The following COL13A1 variants were observed in gnomAD, a reference collection of about 807,000 sequenced individuals.
COL13A1 encodes the protein collagen alpha-1(XIII) chain.
A neutral mutation model predicts 130.9 loss-of-function variants in COL13A1; 89 were observed. That is an observed-to-expected ratio of 0.68 (90% confidence interval 0.57 to 0.81). The LOEUF (loss-of-function observed/expected upper bound fraction) is 0.81, where lower values mean the gene tolerates loss of function less well. Ranked by LOEUF, COL13A1 falls within the 30% of genes least tolerant of loss-of-function variation. The pLI, the probability that COL13A1 is intolerant of heterozygous loss-of-function variation, is 0.00. For missense variants in COL13A1, 879 were observed against 934.6 expected (o/e 0.94, Z 0.78); for synonymous variants, 402 against 341.6 (o/e 1.18, Z -1.95).
chr10:69,936,639 AC>A, intron 32 of COL13A1, 116 bp from the exon 33 acceptor site: 1 of 1,180,020 alleles, frequency 8.5e-7, no homozygotes, highest in Non-Finnish European at 1.2e-6. Context: ...ATGGGCAGGG[AC>A]CCCAAACCAT....
intron 2 of COL13A1, among the ~76,000 whole-genome samples, chr10:69,833,824 G>A (rs564534091): frequency 2.5e-4 from 38 of 152,334 alleles, no homozygotes; most frequent in African/African-American, 8.2e-4. Flanking sequence ...GTAAGCTCCT[G>A]CGGAGGGATG....
chr10:69,802,045 G>T lies in COL13A1; in HGVS notation c.-379G>T. The T allele has an allele frequency of 5.4e-6, 1 of 186,068 alleles. No homozygotes were observed. 11.5% of individuals were successfully genotyped at this position (186,068 alleles called of 1,614,324 possible). Reference sequence around the variant, plus strand: ...GCCCCTTCGCCCGGGGACTGAAACTGACTGGCCCGGGAGACACGAGGCGCC... The same window carrying T: ...GCCCCTTCGCCCGGGGACTGAAACTTACTGGCCCGGGAGACACGAGGCGCC... On this transcript the variant is annotated 5_prime_UTR_variant, in exon 1 of 41. Coordinates refer to ENST00000645393, the MANE Select transcript of COL13A1 (RefSeq NM_001368882.1).
chr10:69,851,460 T>A lies in COL13A1; in HGVS notation c.365-16338T>A, dbSNP rs553925716. ...CTTCATTTCATGTCCATTTATTTTC[T>A]TCTCCTGAAACTCCAGGGCAGAGCT... On this transcript the variant is annotated intron_variant, in intron 2 of 40. Coordinates refer to ENST00000645393, the MANE Select transcript of COL13A1 (RefSeq NM_001368882.1). Among the ~76,000 whole-genome samples, 217 of 152,332 alleles carry A rather than the reference T, an allele frequency of 1.4e-3. 1 individual carries two copies. The highest frequency in any genetic ancestry group is 2.3e-3 in the Non-Finnish European group (157 of 68,034).
chr10:69,946,099 A>G (rs1464715225), intron 37 of COL13A1, among the ~76,000 whole-genome samples: 1 of 137,868 alleles, frequency 7.3e-6, no homozygotes, highest in Non-Finnish European at 1.6e-5. Flanking sequence ...CCAAAAAAAA[A>G]AAAAAAAATC....
chr10:69,906,887 T>C (rs2062815776), intron 17 of COL13A1, among the ~76,000 whole-genome samples: 1 of 152,052 alleles, frequency 6.6e-6, no homozygotes, highest in Admixed American at 6.6e-5. Flanking sequence ...CACACCACCA[T>C]GCCCAGCCAG....
At position 69,929,025 on chromosome 10, in the gene COL13A1, T is replaced by A. The variant is rs931932365; in HGVS notation, c.1485+26T>A. On this transcript the variant is annotated intron_variant, in intron 28 of 40. Coordinates refer to ENST00000645393, the MANE Select transcript of COL13A1 (RefSeq NM_001368882.1). ...GTAAATCTTATCTTGACAAAGGGGG[T>A]GAAGACTTTGCAAGGGCATCGACCC... 4.4e-6 allele frequency: 7 copies of A among 1,597,460 alleles called. No homozygotes were observed. The African/African-American group carries it at 9.4e-5, about 21-fold the overall frequency.
At chr10:69,893,258 G>A (rs1372622157) in intron 10 of COL13A1, among the ~76,000 whole-genome samples, 1 of 152,352 alleles carries the variant, frequency 6.6e-6, no homozygotes, top group South Asian at 2.1e-4. Flanking sequence ...AGGCAGAGGT[G>A]GGAGGACTGC....
At chr10:69,829,581 G>C (rs1486415271) in intron 2 of COL13A1, among the ~76,000 whole-genome samples, 2 of 152,194 alleles carry the variant, frequency 1.3e-5, no homozygotes, top group Non-Finnish European at 2.9e-5. Flanking sequence ...CCAAACGAAG[G>C]CCCTTCCTTG....
In COL13A1 at chr10:69,941,076, T is replaced by C. The variant is rs1565134377; in HGVS notation, c.1914+53T>C. ...ACCCCACTCCACTCCACACCTGGCCTGTGATCCCTTTTGTCTGTCCCACTG... is the reference window on the plus strand; with the variant it reads ...ACCCCACTCCACTCCACACCTGGCCCGTGATCCCTTTTGTCTGTCCCACTG... On this transcript the variant is annotated intron_variant, in intron 35 of 40. Coordinates refer to ENST00000645393, the MANE Select transcript of COL13A1 (RefSeq NM_001368882.1). 1.7e-5 allele frequency: 27 copies of C among 1,612,748 alleles called. 1 individual carries two copies. The highest frequency in any genetic ancestry group is 1.6e-5 in the Non-Finnish European group (19 of 1,179,280).
At chr10:69,909,283 T>C (rs1356061566) in intron 17 of COL13A1, among the ~76,000 whole-genome samples, 2 of 152,206 alleles carry the variant, frequency 1.3e-5, no homozygotes, top group South Asian at 2.1e-4. Flanking sequence ...TGCTGGACTC[T>C]TGCCTCCCAA....
At chr10:69,889,329 G>A in intron 9 of COL13A1, 85 bp from the exon 10 acceptor site, 2 of 1,198,126 alleles carry the variant, frequency 1.7e-6, no homozygotes, top group East Asian at 3.2e-5. Flanking sequence ...AGGAGCACAG[G>A]GGGCAGGGAG....
At chr10:69,938,065 A>G (rs767605703) in intron 34 of COL13A1, among the ~76,000 whole-genome samples, 1 of 152,224 alleles carries the variant, frequency 6.6e-6, no homozygotes, top group Non-Finnish European at 1.5e-5. Context: ...AAGTAGTGGG[A>G]CAAGAAGATA....
At chr10:69,939,221 G>C (rs1252353679) in intron 34 of COL13A1, among the ~76,000 whole-genome samples, 1 of 152,172 alleles carries the variant, frequency 6.6e-6, no homozygotes, top group Non-Finnish European at 1.5e-5. Flanking sequence ...ACTAGAGACC[G>C]TGTATCCCTT....
At chr10:69,807,346 C>A (rs573278459) in intron 1 of COL13A1, among the ~76,000 whole-genome samples, 4 of 152,260 alleles carry the variant, frequency 2.6e-5, no homozygotes, top group Non-Finnish European at 5.9e-5. Context: ...TAAGGAATCT[C>A]CTGGGAGAGG....
At chr10:69,838,798 G>A (rs974247206) in intron 2 of COL13A1, among the ~76,000 whole-genome samples, 3 of 152,372 alleles carry the variant, frequency 2.0e-5, no homozygotes, top group Admixed American at 6.5e-5. Flanking sequence ...CTTGGGAAAT[G>A]GGGTGAGGCG....
chr10:69,839,623 G>A (rs533479867), intron 2 of COL13A1, among the ~76,000 whole-genome samples: 67 of 152,368 alleles, frequency 4.4e-4, no homozygotes, highest in African/African-American at 1.6e-3. Flanking sequence ...TAAAGCACTA[G>A]AAGAGTGTCC....
intron 40 of COL13A1, among the ~76,000 whole-genome samples, chr10:69,957,414 G>A (rs1274169191): frequency 6.6e-6 from 1 of 152,172 alleles, no homozygotes; most frequent in Non-Finnish European, 1.5e-5. Flanking sequence ...CTTAGACGTA[G>A]GACATCTCAG....
At chr10:69,899,435 A>C (rs1305289840) in intron 14 of COL13A1, among the ~76,000 whole-genome samples, 1 of 152,262 alleles carries the variant, frequency 6.6e-6, no homozygotes, top group Non-Finnish European at 1.5e-5. Context: ...TAACAGTAAG[A>C]GGCAGAATTG....
At position 69,921,894 on chromosome 10, in the gene COL13A1, G is replaced by T. The variant is rs1221505973; in HGVS notation, c.1102G>T (p.Ala368Ser). 1 of 1,607,046 alleles carries T rather than the reference G, an allele frequency of 6.2e-7. No individual in the cohort carries two copies. Among genetic ancestry groups the T allele is most frequent in the African/African-American group, 1.3e-5 (1 of 74,798 alleles). Residue 368 changes from alanine (A) to serine (S), a missense_variant, in exon 22 of 41, where the codon GCT becomes TCT. Ala to Ser is a moderately conservative substitution (Grantham distance 99). Around this residue, in one of 3 missense-constraint regions of COL13A1, gnomAD observed 715 missense variants for 721.0 expected, o/e 0.99. Coordinates refer to ENST00000645393, the MANE Select transcript of COL13A1 (RefSeq NM_001368882.1). ...CATCTCCCTGCAGGGTGAGAAGGGG[G>T]CTGAAGGCTCCCCTGGGCTTCCTGG... ...GKRGQRGEKG[A>S]EGSPGLPGLL...
Sources: allele counts gnomAD v4.1 joint callset (sites outside exome capture counted in the v4.1 genomes callset), GRCh38; gene constraint gnomAD v4.1.1; regional missense constraint gnomAD v4.1.1; transcripts MANE v1.5; gene names NCBI Gene and HGNC (gene_info 2026-07-23, HGNC 2026-07-21).